Variants in ATP9B observed in about 807,000 individuals in gnomAD.
The protein encoded by ATP9B is ATPase phospholipid transporting 9B, also known as probable phospholipid-transporting ATPase IIB.
A neutral mutation model predicts 146.1 loss-of-function variants in ATP9B; 110 were observed. The observed-to-expected ratio is 0.75, with a 90% confidence interval of 0.65 to 0.88. The LOEUF (loss-of-function observed/expected upper bound fraction) is 0.88. ATP9B is among the 40% of genes least tolerant of loss of function. The pLI, the probability that ATP9B is intolerant of heterozygous loss-of-function variation, is 0.00. For missense variants in ATP9B, 1,499 were observed against 1,496.4 expected (o/e 1.00, Z -0.03); for synonymous variants, 604 against 569.7 (o/e 1.06, Z -0.86).
intron 15 of ATP9B, among the ~76,000 whole-genome samples, chr18:79,312,480 A>C (rs1430584381): frequency 6.6e-6 from 1 of 152,074 alleles, no homozygotes; most frequent in Non-Finnish European, 1.5e-5. Flanking sequence ...AGGGGTCCCC[A>C]GCTGCCCATT....
At chr18:79,324,961 A>G (rs907533984) in intron 15 of ATP9B, among the ~76,000 whole-genome samples, 2 of 152,238 alleles carry the variant, frequency 1.3e-5, no homozygotes, top group African/African-American at 4.8e-5. Flanking sequence ...AAGTGTGTTC[A>G]GCAGCTGGGG....
At chr18:79,129,909 A>G (rs1411938204) in intron 5 of ATP9B, among the ~76,000 whole-genome samples, 2 of 151,948 alleles carry the variant, frequency 1.3e-5, no homozygotes, top group African/African-American at 4.8e-5. Context: ...ATGCCCGGCT[A>G]TTTTTTGTAT....
intron 26 of ATP9B, among the ~76,000 whole-genome samples, chr18:79,365,966 T>G (rs556265188): frequency 6.6e-6 from 1 of 152,302 alleles, no homozygotes; most frequent in South Asian, 2.1e-4. Context: ...CTAGTGGACA[T>G]GGCCAGCCTG....
intron 7 of ATP9B, among the ~76,000 whole-genome samples, chr18:79,162,127 G>A (rs1268356641): frequency 6.6e-6 from 1 of 152,130 alleles, no homozygotes; most frequent in African/African-American, 2.4e-5. Context: ...ATAATACACT[G>A]TTTATTATAA....
intron 11 of ATP9B, among the ~76,000 whole-genome samples, chr18:79,228,382 G>A (rs769789313): frequency 8.5e-5 from 13 of 152,116 alleles, no homozygotes; most frequent in Admixed American, 2.6e-4. Context: ...CTCAAATTCC[G>A]CTAGTACCAA....
intron 6 of ATP9B, among the ~76,000 whole-genome samples, chr18:79,153,589 T>TA (rs1230016633): frequency 6.6e-6 from 1 of 152,184 alleles, no homozygotes; most frequent in African/African-American, 2.4e-5. Flanking sequence ...CCTGCTGTGT[T>TA]ACATGTACAG....
At position 79,372,833 on chromosome 18, in the gene ATP9B, C is replaced by T. The variant is rs1195362361; in HGVS notation, c.3021C>T (p.Ser1007=). 1.2e-6 allele frequency: 2 copies of T among 1,610,350 alleles called. No homozygotes were observed. Among genetic ancestry groups the T allele is most frequent in the Admixed American group, 1.7e-5 (1 of 59,998 alleles). ...ELYKDLTKGR[S]LSFKTFLIWV... is the part of the protein sequence containing the mutation. ...TTCCACTGTTTCCCTAGGGAAGATC[C>T]TTGTCCTTCAAAACCTTCCTCATCT... The change falls in exon 27 of 30, where the codon TCC becomes TCT. Residue 1007 remains serine (S), a synonymous_variant. Transcript: ENST00000426216.
At chr18:79,200,241 G>A (rs2095455870) in intron 9 of ATP9B, among the ~76,000 whole-genome samples, 1 of 152,158 alleles carries the variant, frequency 6.6e-6, no homozygotes, top group South Asian at 2.1e-4. Flanking sequence ...CTTTGATGGG[G>A]CTACTGTGGT....
chr18:79,332,229 A>G (rs906763010), intron 17 of ATP9B, among the ~76,000 whole-genome samples: 1 of 152,136 alleles, frequency 6.6e-6, no homozygotes, highest in Non-Finnish European at 1.5e-5. Context: ...GGAGATTGAG[A>G]CCCTCCTGGC....
intron 13 of ATP9B, among the ~76,000 whole-genome samples, chr18:79,284,442 A>G (rs1005605607): frequency 6.6e-6 from 1 of 152,196 alleles, no homozygotes; most frequent in Non-Finnish European, 1.5e-5. Context: ...CCTGATTTGC[A>G]GAGACTGTAT....
chr18:79,069,426 C>A lies in ATP9B; in HGVS notation c.16C>A (p.Pro6Thr). 1 of 1,517,056 alleles carries A rather than the reference C, an allele frequency of 6.6e-7. No homozygotes were observed. The highest frequency in any genetic ancestry group is 8.8e-7 in the Non-Finnish European group (1 of 1,135,772). 94.0% of individuals were successfully genotyped at this position (1,517,056 alleles called of 1,614,324 possible). A position where few individuals can be genotyped will look rare whatever the true frequency, so the allele number is the denominator to read the frequency against. ...CGGTCGGAACATGGCGGACCAGATC[C>A]CGCTTTACCCGGTGCGTAGCGCAGC... is the stretch of plus-strand genomic sequence containing the variant. Reference protein sequence around the residue: MADQIPLYPVRSAAAA... With the variant: MADQITLYPVRSAAAA... The change falls in exon 1 of 30, where the codon CCG becomes ACG. Residue 6 changes from proline (P) to threonine (T), a missense_variant. Transcript: ENST00000426216.
chr18:79,211,713 A>G (rs1325315645), intron 10 of ATP9B, among the ~76,000 whole-genome samples: 1 of 152,226 alleles, frequency 6.6e-6, no homozygotes, highest in Non-Finnish European at 1.5e-5. Context: ...TTTTGATTTA[A>G]TGATGAATAC....
intron 1 of ATP9B, among the ~76,000 whole-genome samples, chr18:79,084,281 C>T (rs1323669091): frequency 6.6e-6 from 1 of 152,000 alleles, no homozygotes; most frequent in African/African-American, 2.4e-5. Context: ...GTACCCCTAT[C>T]ATTTTCCTAC....
In ATP9B at chr18:79,277,072, C is replaced by T. The variant is rs1243878905; in HGVS notation, c.1287C>T (p.Asp429=). ...TTGGCAGTTTGCGTGTGAACTTGGA[C>T]ATGGGCAAAGCGGTGTATGGATGGA... ...IIPISLRVNL[D]MGKAVYGWMM... The change falls in exon 13 of 30, where the codon GAC becomes GAT. Residue 429 remains aspartate (D), a synonymous_variant. Transcript: ENST00000426216. 6.2e-7 allele frequency: 1 copy of T among 1,613,992 alleles called. No homozygotes were observed. Among genetic ancestry groups the T allele is most frequent in the Non-Finnish European group, 8.5e-7 (1 of 1,180,022 alleles).
chr18:79,143,888 CCT>C (rs759377047), intron 6 of ATP9B, 28 bp downstream of exon 6: 1 of 1,399,318 alleles, frequency 7.1e-7, no homozygotes. Flanking sequence ...ATATTTTAGA[CCT>C]ATGTATGCTA....
intron 19 of ATP9B, among the ~76,000 whole-genome samples, chr18:79,339,713 A>G (rs2096848424): frequency 6.6e-6 from 1 of 151,810 alleles, no homozygotes; most frequent in African/African-American, 2.4e-5. Context: ...TGATTGCAGT[A>G]GGAAGTGTGT....
At chr18:79,191,049 T>A (rs373612575) in intron 8 of ATP9B, among the ~76,000 whole-genome samples, 20 of 152,306 alleles carry the variant, frequency 1.3e-4, no homozygotes, top group East Asian at 1.2e-3. Context: ...TATTTGACAG[T>A]GTCTTTATTT....
At chr18:79,376,473 T>C (rs1301604545) in intron 29 of ATP9B, 2 of 882,732 alleles carry the variant, frequency 2.3e-6, no homozygotes, top group African/African-American at 3.7e-5. Context: ...CACTGCAACC[T>C]CTGCCTCCTG....
intron 4 of ATP9B, among the ~76,000 whole-genome samples, chr18:79,119,831 C>G (rs1482587153): frequency 1.3e-5 from 2 of 152,162 alleles, no homozygotes; most frequent in African/African-American, 4.8e-5. Flanking sequence ...ATTGAGCAAA[C>G]CTCTTAAAAA....
Sources: allele counts gnomAD v4.1 joint callset (sites outside exome capture counted in the v4.1 genomes callset), GRCh38; gene constraint gnomAD v4.1.1; transcripts MANE v1.5; gene names NCBI Gene and HGNC (gene_info 2026-07-23, HGNC 2026-07-21).